IFIT1: variants seen among roughly 807,000 people sequenced by gnomAD.
IFIT1 encodes the protein interferon induced protein with tetratricopeptide repeats 1, also known as antiviral innate immune response effector IFIT1.
IFIT1 carries 1 observed loss-of-function variant against 2.5 expected under a neutral mutation model. The observed-to-expected ratio is 0.40, with a 90% confidence interval of 0.14 to 1.92. The LOEUF (loss-of-function observed/expected upper bound fraction) is 1.92. IFIT1 is among the 40% of genes most tolerant of loss of function. The pLI, the probability that IFIT1 is intolerant of heterozygous loss-of-function variation, is 0.31. For missense variants in IFIT1, 508 were observed against 557.8 expected (o/e 0.91, Z 0.90); for synonymous variants, 191 against 201.7 (o/e 0.95, Z 0.45).
chr10:89,403,956 T>C lies in IFIT1; in HGVS notation c.*244T>C, dbSNP rs1023846509. 6 of 367,390 alleles carry C rather than the reference T, an allele frequency of 1.6e-5. No individual in the cohort carries two copies. Among genetic ancestry groups the C allele is most frequent in the African/African-American group, 1.3e-4 (6 of 47,720 alleles). The allele number at this position is 367,390 out of a possible 1,614,324, so 22.8% of individuals were successfully genotyped here. A position where few individuals can be genotyped will look rare whatever the true frequency, so the allele number is the denominator to read the frequency against. On this transcript the variant is annotated 3_prime_UTR_variant, in exon 2 of 2. Coordinates refer to ENST00000371804, the MANE Select transcript of IFIT1 (RefSeq NM_001548.5). ...AGTAGAGAAAAAATGTTAGTTAACT[T>C]TGTAGGAAATAAAACATTGGACTTA...
At position 89,392,737 on chromosome 10, in the gene IFIT1, T is replaced by C. The variant is rs1199727949; in HGVS notation, c.5+20T>C. 5.6e-6 allele frequency: 9 copies of C among 1,613,394 alleles called. No individual in the cohort carries two copies. Among genetic ancestry groups the C allele is most frequent in the Non-Finnish European group, 7.6e-6 (9 of 1,179,324 alleles). On this transcript the variant is annotated intron_variant, in intron 1 of 1. Coordinates refer to ENST00000371804, the MANE Select transcript of IFIT1 (RefSeq NM_001548.5). ...CATGAGGTAAGGATTTCTTTGCTCC[T>C]CTGCCATAATGTCTAAAGTTTTTGA...
At chr10:89,392,945 C>A (rs1844278899) in intron 1 of IFIT1, among the ~76,000 whole-genome samples, 1 of 152,058 alleles carries the variant, frequency 6.6e-6, no homozygotes, top group South Asian at 2.1e-4. Flanking sequence ...GGAAGCTTAC[C>A]TCATGCTATA....
intron 1 of IFIT1, among the ~76,000 whole-genome samples, chr10:89,393,817 A>C (rs1844293810): frequency 6.6e-6 from 1 of 152,216 alleles, no homozygotes. Context: ...AATTTTGAAG[A>C]GGTAAAAATT....
Position 89,402,590 on chromosome 10 carries a change from T to C in IFIT1, c.315T>C (p.Tyr105=). The C allele has an allele frequency of 6.2e-7, 1 of 1,614,188 alleles. No individual in the cohort carries two copies. Among genetic ancestry groups the C allele is most frequent in the East Asian group, 2.2e-5 (1 of 44,888 alleles). The change falls in exon 2 of 2, where the codon TAT becomes TAC. Residue 105 remains tyrosine, a synonymous_variant. Transcript: ENST00000371804. ...LVTWGNFAWM[Y]YHMGRLAEAQ... ...CCTGGGGCAACTTTGCCTGGATGTATTACCACATGGGCAGACTGGCAGAAG... is the reference window on the plus strand; with the variant it reads ...CCTGGGGCAACTTTGCCTGGATGTACTACCACATGGGCAGACTGGCAGAAG...
At chr10:89,400,643 G>C (rs1407847757) in intron 1 of IFIT1, among the ~76,000 whole-genome samples, 2 of 152,108 alleles carry the variant, frequency 1.3e-5, no homozygotes, top group Non-Finnish European at 2.9e-5. Flanking sequence ...CAATTTTGCT[G>C]AATGTATTTG....
At chr10:89,393,061 G>T in intron 1 of IFIT1, 1 of 1,037,942 alleles carries the variant, frequency 9.6e-7, no homozygotes, top group Non-Finnish European at 1.3e-6. Context: ...TCTGATATGG[G>T]GAAGGAATGG....
At position 89,403,217 on chromosome 10, in the gene IFIT1, C is replaced by G; in HGVS notation, c.942C>G (p.Asn314Lys). 1.2e-6 allele frequency: 2 copies of G among 1,614,072 alleles called. No homozygotes were observed. Among genetic ancestry groups the G allele is most frequent in the Non-Finnish European group, 1.7e-6 (2 of 1,180,018 alleles). The change falls in exon 2 of 2, where the codon AAC becomes AAG. Residue 314 changes from asparagine (N) to lysine (K), a missense_variant. Coordinates refer to ENST00000371804, the MANE Select transcript of IFIT1 (RefSeq NM_001548.5). ...EATKGQPRGQNREKLDKMIRS... is the reference protein window; with the variant it reads ...EATKGQPRGQKREKLDKMIRS... Reference sequence around the variant, plus strand: ...CAAAAGGGCAGCCTAGAGGGCAGAACAGAGAAAAGCTAGACAAAATGATAA... The same window carrying G: ...CAAAAGGGCAGCCTAGAGGGCAGAAGAGAGAAAAGCTAGACAAAATGATAA...
chr10:89,402,625 A>C lies in IFIT1; in HGVS notation c.350A>C (p.Tyr117Ser). ...GGCAGACTGGCAGAAGCCCAGACTT[A>C]CCTGGACAAGGTGGAGAACATTTGC... ...HMGRLAEAQTYLDKVENICKK... is the reference protein window; with the variant it reads ...HMGRLAEAQTSLDKVENICKK... Residue 117 changes from tyrosine (Y) to serine (S), a missense_variant, in exon 2 of 2, where the codon TAC (tyrosine) becomes TCC (serine). Physicochemically the swap from Tyr to Ser is moderately radical, Grantham distance 144. Coordinates refer to ENST00000371804, the MANE Select transcript of IFIT1 (RefSeq NM_001548.5). The C allele has an allele frequency of 6.2e-7, 1 of 1,614,240 alleles. No homozygotes were observed. The highest frequency in any genetic ancestry group is 8.5e-7 in the Non-Finnish European group (1 of 1,180,036).
rs1290995478 is a variant in IFIT1 at position 89,403,592 on chromosome 10, C to T, written c.1317C>T (p.Ser439=). 1.2e-6 allele frequency: 2 copies of T among 1,614,020 alleles called. No homozygotes were observed. Among genetic ancestry groups the T allele is most frequent in the Middle Eastern group, 1.6e-4 (1 of 6,062 alleles). The change falls in exon 2 of 2, where the codon AGC becomes AGT. Residue 439 remains serine, a synonymous_variant. Transcript: ENST00000371804. The part of the protein sequence containing the change: ...KLRRKALDLE[S]LSLLGFVYKL... ...GGAGAAAGGCATTAGATCTGGAAAG[C>T]TTGAGCCTCCTTGGGTTCGTCTACA...
At position 89,396,034 on chromosome 10, in the gene IFIT1, A is replaced by C. The variant is rs540469879; in HGVS notation, c.5+3317A>C. ...TTTGGCCATTATGAATAGTGCTGCT[A>C]TCAACATCTGTGTGCAAGTTTTTAT... On this transcript the variant is annotated intron_variant, in intron 1 of 1. Coordinates refer to ENST00000371804, the MANE Select transcript of IFIT1 (RefSeq NM_001548.5). Among the ~76,000 whole-genome samples, 3 of 152,314 alleles carry C rather than the reference A, an allele frequency of 2.0e-5. No individual in the cohort carries two copies. The East Asian group carries it at 5.8e-4, about 29-fold the overall frequency.
chr10:89,394,940 A>G (rs376732836), intron 1 of IFIT1, among the ~76,000 whole-genome samples: 1 of 152,038 alleles, frequency 6.6e-6, no homozygotes, highest in African/African-American at 2.4e-5. Context: ...AACACATACT[A>G]TGTGGTTATA....
In IFIT1 at chr10:89,403,394, A is replaced by G. The variant is rs755162102; in HGVS notation, c.1119A>G (p.Val373=). The G allele has an allele frequency of 6.2e-7, 1 of 1,613,868 alleles. No individual in the cohort carries two copies. Among genetic ancestry groups the G allele is most frequent in the Non-Finnish European group, 8.5e-7 (1 of 1,179,932 alleles). ...AATTGTTATGCATGAAACCAGTGGT[A>G]GAAGAAACAATGCAAGACATACATT... The part of the protein sequence containing the change: ...FQKLLCMKPV[V]EETMQDIHFH... The change falls in exon 2 of 2, where the codon GTA becomes GTG. Residue 373 remains valine (V), a synonymous_variant. Coordinates refer to ENST00000371804, the MANE Select transcript of IFIT1 (RefSeq NM_001548.5).
chr10:89,394,623 TATATAA>T (rs202105887), intron 1 of IFIT1, among the ~76,000 whole-genome samples: 651 of 26,634 alleles, frequency 0.024, 84 homozygotes, highest in African/African-American at 0.16. Flanking sequence ...TATATATATA[TATATAA>T]AACTTGAATT....
At position 89,401,328 on chromosome 10, in the gene IFIT1, G is replaced by T. The variant is rs1266015081; in HGVS notation, c.6-953G>T. Among the ~76,000 whole-genome samples, 36 of 151,838 alleles carry T rather than the reference G, an allele frequency of 2.4e-4. 1 individual carries two copies. The highest frequency in any genetic ancestry group is 2.4e-3 in the Admixed American group (36 of 15,220). On this transcript the variant is annotated intron_variant, in intron 1 of 1. Transcript: ENST00000371804. ...GTAGAGACAGGATTTCACCATGTTG[G>T]TCAGCTGGTCTCAAACTCCTGACCT...
At chr10:89,393,309 G>A in intron 1 of IFIT1, 1 of 1,288,010 alleles carries the variant, frequency 7.8e-7, no homozygotes. Flanking sequence ...AAGATAAACA[G>A]ATTGCCTCCT....
intron 1 of IFIT1, among the ~76,000 whole-genome samples, chr10:89,398,699 TATCA>T (rs1844379889): frequency 9.2e-5 from 14 of 152,248 alleles, no homozygotes; most frequent in Admixed American, 9.2e-4. Flanking sequence ...TTGTAACATG[TATCA>T]GAATGTCTTT....
intron 1 of IFIT1, among the ~76,000 whole-genome samples, chr10:89,401,857 G>A (rs1589638319): frequency 6.6e-6 from 1 of 151,688 alleles, no homozygotes; most frequent in South Asian, 2.1e-4. Context: ...ATTACATGCA[G>A]AGTAAGGTCC....
intron 1 of IFIT1, chr10:89,393,445 T>C (rs903263803): frequency 1.1e-5 from 6 of 564,974 alleles, no homozygotes; most frequent in East Asian, 7.3e-5. Context: ...TAAAAACCAT[T>C]ACTTAGGCCG....
intron 1 of IFIT1, among the ~76,000 whole-genome samples, chr10:89,395,314 G>C (rs1589634032): frequency 6.6e-6 from 1 of 151,896 alleles, no homozygotes; most frequent in Non-Finnish European, 1.5e-5. Flanking sequence ...AACCCACCTA[G>C]GTAACGCCCT....
Sources: gnomAD v4.1 joint callset for allele counts (sites outside exome capture counted in the v4.1 genomes callset) on GRCh38, gnomAD v4.1.1 for gene constraint, MANE v1.5 for transcripts, NCBI Gene and HGNC (gene_info 2026-07-23, HGNC 2026-07-21) for gene names.